LHFPL2: variants seen among roughly 807,000 people sequenced by gnomAD.
The protein encoded by LHFPL2 is LHFPL tetraspan subfamily member 2 protein.
A neutral mutation model predicts 17.5 loss-of-function variants in LHFPL2; 7 were observed. The ratio of observed to expected loss-of-function variants is 0.40; its 90% CI spans 0.23 to 0.75. The LOEUF is 0.75. Among genes scored for constraint, LHFPL2 ranks in the 30% least tolerant of loss-of-function variants. The pLI is 0.37. For missense variants in LHFPL2, 241 were observed against 294.8 expected (o/e 0.82, Z 1.34); for synonymous variants, 134 against 116.2 (o/e 1.15, Z -0.99).
rs185565740 is a variant in LHFPL2, at chr5:78,569,883, C to T, written c.-244-5012G>A. On this transcript the variant is annotated intron_variant, in intron 2 of 4. Transcript: ENST00000380345. ...CTTGATTCAAACATTATCCCATCAA[C>T]GTAAAGCTGTTAGAGAGTATGTTTT... is the stretch of plus-strand genomic sequence containing the variant. Among the ~76,000 whole-genome samples, 566 of 152,276 alleles carry T rather than the reference C, an allele frequency of 3.7e-3. 3 individuals carry two copies. The highest frequency in any genetic ancestry group is 5.1e-3 in the Non-Finnish European group (347 of 68,018).
chr5:78,612,680 C>T (rs1203641349), intron 2 of LHFPL2, among the ~76,000 whole-genome samples: 1 of 152,184 alleles, frequency 6.6e-6, no homozygotes, highest in East Asian at 1.9e-4. Context: ...GCTGCCTTTC[C>T]TTGCCCCAAT....
At chr5:78,560,016 C>T (rs528055119) in intron 3 of LHFPL2, among the ~76,000 whole-genome samples, 20 of 152,190 alleles carry the variant, frequency 1.3e-4, no homozygotes, top group Admixed American at 9.8e-4. Context: ...GGTTATTACA[C>T]GAAAGAATAC....
At position 78,489,148 on chromosome 5, in the gene LHFPL2, A is replaced by C. The variant is rs774963474; in HGVS notation, c.436T>G (p.Phe146Val). The C allele has an allele frequency of 1.9e-6, 3 of 1,614,160 alleles. No homozygotes were observed. Among genetic ancestry groups the C allele is most frequent in the Non-Finnish European group, 1.7e-6 (2 of 1,179,996 alleles). ...TAGAGTATCAAACCGAGGATAAGGAATAGACCTGCAGAACAAAAGAGAAAA... is the reference window on the plus strand; with the variant it reads ...TAGAGTATCAAACCGAGGATAAGGACTAGACCTGCAGAACAAAAGAGAAAA... The part of the protein sequence containing the change: ...CGLLQGIAGL[F>V]LILGLILYPA... The change falls in exon 5 of 5, where the codon TTC (phenylalanine) becomes GTC (valine). Residue 146 changes from phenylalanine to valine, a missense_variant. Transcript: ENST00000380345.
chr5:78,561,849 G>A (rs1756736848), intron 3 of LHFPL2, among the ~76,000 whole-genome samples: 1 of 152,214 alleles, frequency 6.6e-6, no homozygotes, highest in South Asian at 2.1e-4. Flanking sequence ...TTAGAGCAGG[G>A]ATTTAATCCC....
chr5:78,579,611 C>T (rs570156246), intron 2 of LHFPL2, among the ~76,000 whole-genome samples: 17 of 151,830 alleles, frequency 1.1e-4, no homozygotes, highest in South Asian at 6.3e-4. Context: ...TTTGTTCTTG[C>T]GATAGTTTAC....
At chr5:78,524,742 CAA>C (rs34179854) in intron 3 of LHFPL2, among the ~76,000 whole-genome samples, 1,278 of 117,748 alleles carry the variant, frequency 0.011, 12 homozygotes, top group African/African-American at 0.035. Context: ...ACCCTGTTCT[CAA>C]AAAAAAAAAA....
intron 4 of LHFPL2, among the ~76,000 whole-genome samples, chr5:78,489,435 T>C (rs1418786758): frequency 9.2e-5 from 14 of 152,222 alleles, no homozygotes; most frequent in African/African-American, 3.1e-4. Flanking sequence ...AGACAGAGTC[T>C]CAATCTGTTG....
chr5:78,538,080 T>G (rs1756003526), intron 3 of LHFPL2, among the ~76,000 whole-genome samples: 2 of 152,198 alleles, frequency 1.3e-5, no homozygotes, highest in Admixed American at 6.5e-5. Flanking sequence ...CCCCTAGTCC[T>G]GCGGCATCTC....
intron 2 of LHFPL2, among the ~76,000 whole-genome samples, chr5:78,615,991 G>T (rs574424833): frequency 6.6e-6 from 1 of 152,226 alleles, no homozygotes; most frequent in East Asian, 1.9e-4. Flanking sequence ...CCTAACAGTT[G>T]CACTCTCTTC....
chr5:78,510,101 G>C lies in LHFPL2; in HGVS notation c.113C>G (p.Ala38Gly). The C allele has an allele frequency of 6.2e-7, 1 of 1,612,898 alleles. No homozygotes were observed. The highest frequency in any genetic ancestry group is 1.1e-5 in the South Asian group (1 of 91,038). The change falls in exon 4 of 5, where the codon GCG (alanine) becomes GGG (glycine). Residue 38 changes from alanine (A) to glycine (G), a missense_variant. Transcript: ENST00000380345. The stretch of plus-strand genomic sequence containing the variant: ...CGGCTCCACGCCGCCGCGGCTCCTC[G>C]CTTTCCCGATCAGCCAGTCTGCACT... ...FMSADWLIGK[A>G]RSRGGVEPAG...
At chr5:78,587,073 T>C (rs770285758) in intron 2 of LHFPL2, among the ~76,000 whole-genome samples, 1 of 152,188 alleles carries the variant, frequency 6.6e-6, no homozygotes, top group African/African-American at 2.4e-5. Context: ...TCATTATTAG[T>C]AATAAAATGA....
chr5:78,507,341 A>AG (rs926790292), intron 4 of LHFPL2, among the ~76,000 whole-genome samples: 4 of 151,670 alleles, frequency 2.6e-5, no homozygotes, highest in Non-Finnish European at 5.9e-5. Context: ...AAAAAAAAAA[A>AG]GAAAAGAAAA....
intron 1 of LHFPL2, among the ~76,000 whole-genome samples, chr5:78,635,700 G>A (rs1008359831): frequency 3.9e-5 from 6 of 152,178 alleles, no homozygotes; most frequent in Non-Finnish European, 8.8e-5. Flanking sequence ...CTACTTGGGA[G>A]GCTGAGGCAG....
intron 2 of LHFPL2, chr5:78,626,130 C>T (rs1013779159): frequency 6.6e-6 from 1 of 152,266 alleles, no homozygotes; most frequent in Non-Finnish European, 1.5e-5. Context: ...ACATCTCAGG[C>T]TCCATGGCAC....
intron 3 of LHFPL2, among the ~76,000 whole-genome samples, chr5:78,527,370 T>G (rs1041545040): frequency 1.4e-5 from 2 of 147,836 alleles, no homozygotes; most frequent in South Asian, 2.2e-4. Context: ...GGAGTTTTTT[T>G]TTTTTTTTTT....
intron 2 of LHFPL2, among the ~76,000 whole-genome samples, chr5:78,586,438 C>A (rs1281819889): frequency 1.3e-5 from 2 of 152,136 alleles, no homozygotes; most frequent in Non-Finnish European, 2.9e-5. Context: ...ACAGTCATGT[C>A]CTCATTTCAT....
intron 3 of LHFPL2, among the ~76,000 whole-genome samples, chr5:78,515,793 C>T (rs978029680): frequency 3.3e-5 from 5 of 152,096 alleles, no homozygotes; most frequent in Admixed American, 1.3e-4. Context: ...TGTGAGGCAG[C>T]GTGGAAAAGG....
chr5:78,573,214 G>A (rs1203091814), intron 2 of LHFPL2, among the ~76,000 whole-genome samples: 2 of 152,204 alleles, frequency 1.3e-5, no homozygotes, highest in African/African-American at 2.4e-5. Context: ...GTCTACCATG[G>A]TGGGTGCAAG....
At chr5:78,550,482 G>A (rs543346489) in intron 3 of LHFPL2, among the ~76,000 whole-genome samples, 4 of 152,242 alleles carry the variant, frequency 2.6e-5, no homozygotes, top group South Asian at 2.1e-4. Context: ...GGAGAGCGCC[G>A]GAATGCAGTG....
Sources: gnomAD v4.1 joint callset for allele counts (sites outside exome capture counted in the v4.1 genomes callset) on GRCh38, gnomAD v4.1.1 for gene constraint, MANE v1.5 for transcripts, NCBI Gene and HGNC (gene_info 2026-07-23, HGNC 2026-07-21) for gene names.